Variants in EXT1 observed in about 807,000 individuals in gnomAD.
EXT1 encodes exostosin glycosyltransferase 1.
A neutral mutation model predicts 82.5 loss-of-function variants in EXT1; 20 were observed. That is an observed-to-expected ratio of 0.24 (90% CI 0.17 to 0.35). The LOEUF is 0.35. EXT1 is among the 10% of genes least tolerant of loss of function. The probability of loss-of-function intolerance (pLI) is 1.00; values close to 1 mark genes in which losing one functional copy is unlikely to be tolerated. For missense variants in EXT1, 757 were observed against 936.5 expected (o/e 0.81, Z 2.50); for synonymous variants, 348 against 350.8 (o/e 0.99, Z 0.09).
intron 1 of EXT1, among the ~76,000 whole-genome samples, chr8:118,104,536 C>T (rs139695119): frequency 6.6e-6 from 1 of 152,186 alleles, no homozygotes; most frequent in Non-Finnish European, 1.5e-5. Context: ...ATGGCAATAG[C>T]TACTTCTCAA....
chr8:118,073,466 CA>C (rs1246271884), intron 1 of EXT1, among the ~76,000 whole-genome samples: 1 of 152,066 alleles, frequency 6.6e-6, no homozygotes, highest in East Asian at 1.9e-4. Flanking sequence ...ACAAAAAATA[CA>C]AAAATTAGCT....
intron 1 of EXT1, among the ~76,000 whole-genome samples, chr8:117,945,339 C>CT (rs929895449): frequency 4.6e-5 from 7 of 152,108 alleles, no homozygotes; most frequent in African/African-American, 4.8e-5. Flanking sequence ...CAGGACCCCT[C>CT]TCTGAGGTTC....
chr8:118,085,674 T>C (rs553715249), intron 1 of EXT1, among the ~76,000 whole-genome samples: 105 of 152,094 alleles, frequency 6.9e-4, no homozygotes, highest in African/African-American at 2.3e-3. Flanking sequence ...AAGAGCCACA[T>C]GTTCACATAC....
chr8:117,890,500 A>G (rs1586266826), intron 1 of EXT1, among the ~76,000 whole-genome samples: 1 of 152,212 alleles, frequency 6.6e-6, no homozygotes, highest in East Asian at 1.9e-4. Context: ...CTGGTCTTAC[A>G]TTGGCTTGAA....
chr8:117,800,520 GC>G (rs1240418378), intron 10 of EXT1, among the ~76,000 whole-genome samples: 1 of 152,174 alleles, frequency 6.6e-6, no homozygotes, highest in Non-Finnish European at 1.5e-5. Context: ...CTCTTCTGTA[GC>G]CTCCCCATTG....
At chr8:118,106,553 C>T (rs1328583527) in intron 1 of EXT1, among the ~76,000 whole-genome samples, 1 of 152,228 alleles carries the variant, frequency 6.6e-6, no homozygotes, top group African/African-American at 2.4e-5. Flanking sequence ...AAAAGAATTG[C>T]ACACAATCTT....
At chr8:117,932,891 T>C (rs1230198971) in intron 1 of EXT1, among the ~76,000 whole-genome samples, 1 of 139,648 alleles carries the variant, frequency 7.2e-6, no homozygotes, top group Non-Finnish European at 1.5e-5. Context: ...AGGGCAGCAC[T>C]CAGAGTGGCT....
chr8:117,885,267 G>A (rs889993087), intron 1 of EXT1, among the ~76,000 whole-genome samples: 1 of 152,176 alleles, frequency 6.6e-6, no homozygotes, highest in Non-Finnish European at 1.5e-5. Context: ...CCTTCCAAGT[G>A]CCATGTATAC....
intron 1 of EXT1, among the ~76,000 whole-genome samples, chr8:117,863,635 T>G (rs964485560): frequency 6.6e-6 from 1 of 152,056 alleles, no homozygotes; most frequent in Non-Finnish European, 1.5e-5. Flanking sequence ...GTACATGGAC[T>G]CCCCAAAGGA....
intron 1 of EXT1, among the ~76,000 whole-genome samples, chr8:118,025,684 TC>T: frequency 6.6e-6 from 1 of 152,212 alleles, no homozygotes; most frequent in Admixed American, 6.5e-5. Flanking sequence ...GCTGTGAACC[TC>T]CGGCAAAGCG....
intron 1 of EXT1, among the ~76,000 whole-genome samples, chr8:117,870,920 G>A (rs1310718962): frequency 6.6e-6 from 1 of 151,822 alleles, no homozygotes; most frequent in Admixed American, 6.6e-5. Flanking sequence ...ATTATAAACA[G>A]CATTCAGGGG....
At chr8:117,974,937 C>G (rs1815035430) in intron 1 of EXT1, among the ~76,000 whole-genome samples, 1 of 152,178 alleles carries the variant, frequency 6.6e-6, no homozygotes, top group Non-Finnish European at 1.5e-5. Flanking sequence ...ATCTCTTTCC[C>G]CTGGCTCCCA....
intron 1 of EXT1, among the ~76,000 whole-genome samples, chr8:118,008,793 T>C (rs61699770): frequency 0.018 from 2,675 of 152,268 alleles, 42 homozygotes; most frequent in Non-Finnish European, 0.024. Flanking sequence ...ACTTTCTTCC[T>C]GCTTAAATTG....
At chr8:118,108,804 T>TC (rs1269246477) in intron 1 of EXT1, among the ~76,000 whole-genome samples, 1 of 152,202 alleles carries the variant, frequency 6.6e-6, no homozygotes, top group African/African-American at 2.4e-5. Flanking sequence ...AAGGCCAGTT[T>TC]CCCACCATAC....
intron 1 of EXT1, among the ~76,000 whole-genome samples, chr8:118,080,643 C>T (rs946144615): frequency 1.3e-5 from 2 of 152,146 alleles, no homozygotes; most frequent in African/African-American, 2.4e-5. Flanking sequence ...TCTTTTAAAA[C>T]TCGGCCAATA....
At chr8:117,890,093 T>G (rs141762994) in intron 1 of EXT1, among the ~76,000 whole-genome samples, 8 of 152,366 alleles carry the variant, frequency 5.3e-5, no homozygotes, top group Non-Finnish European at 1.2e-4. Context: ...ATACTGTCTA[T>G]GCTGGACAAC....
At chr8:118,032,124 TC>T (rs67860715) in intron 1 of EXT1, among the ~76,000 whole-genome samples, 60,946 of 137,322 alleles carry the variant, frequency 0.44, 13,523 homozygotes, top group Middle Eastern at 0.53. Flanking sequence ...TGGCCATTAC[TC>T]AATGGCCAAA....
intron 1 of EXT1, among the ~76,000 whole-genome samples, chr8:117,957,601 G>A (rs1478328505): frequency 6.6e-6 from 1 of 152,146 alleles, no homozygotes; most frequent in Non-Finnish European, 1.5e-5. Flanking sequence ...AAGATCAGAG[G>A]GGTTTATAAA....
At chr8:117,817,459 C>G (rs1271487405) in intron 7 of EXT1, among the ~76,000 whole-genome samples, 2 of 152,046 alleles carry the variant, frequency 1.3e-5, no homozygotes, top group Admixed American at 1.3e-4. Flanking sequence ...TCACCAATCT[C>G]AATTTCATTT....
Sources: gnomAD v4.1 joint callset for allele counts (sites outside exome capture counted in the v4.1 genomes callset) on GRCh38, gnomAD v4.1.1 for gene constraint, MANE v1.5 for transcripts, NCBI Gene and HGNC (gene_info 2026-07-23, HGNC 2026-07-21) for gene names.